Variants in MCM3AP observed in about 807,000 individuals in gnomAD.
The protein encoded by MCM3AP is minichromosome maintenance complex component 3 associated protein, also known as germinal-center associated nuclear protein.
MCM3AP carries 126 observed loss-of-function variants against 184.1 expected under a neutral mutation model. The observed-to-expected ratio is 0.68, with a 90% CI of 0.59 to 0.79. The LOEUF is 0.79. Among genes scored for constraint, MCM3AP ranks in the 30% least tolerant of loss-of-function variants. The pLI, the probability that MCM3AP is intolerant of heterozygous loss-of-function variation, is 0.00. For synonymous variants in MCM3AP, 1,002 were observed against 979.3 expected, an observed-to-expected ratio of 1.02 and a Z score of -0.43; for missense variants, 2,496 against 2,479.2, an observed-to-expected ratio of 1.01 and a Z score of -0.14.
In MCM3AP at chr21:46,284,340, G is replaced by A. The variant is rs141089827; in HGVS notation, c.947C>T (p.Ser316Phe). Reference sequence around the variant, plus strand: ...TTTGTCTGGAGGATGATCGCCCCGGGACAGAGGATCCGAATCTTCTGCTGG... The same window carrying A: ...TTTGTCTGGAGGATGATCGCCCCGGAACAGAGGATCCGAATCTTCTGCTGG... ...HEPAEDSDPL[S>F]RGDHPPDKRP... The change falls in exon 1 of 28, where the codon TCC becomes TTC. Residue 316 changes from serine (S) to phenylalanine (F), a missense_variant. Physicochemically the swap from Ser to Phe is radical, Grantham distance 155. Coordinates refer to ENST00000291688, the MANE Select transcript of MCM3AP (RefSeq NM_003906.5). 220 of 1,614,208 alleles carry A rather than the reference G, an allele frequency of 1.4e-4. 1 individual carries two copies. The African/African-American group carries it at 2.5e-3, about 18-fold the overall frequency.
chr21:46,258,066 A>C (rs201974887), intron 16 of MCM3AP, among the ~76,000 whole-genome samples: 1 of 152,148 alleles, frequency 6.6e-6, no homozygotes, highest in Admixed American at 6.5e-5. Context: ...CCTCCACCTC[A>C]TATCAGATGG....
chr21:46,272,861 A>T (rs2081199648), intron 7 of MCM3AP, 32 bp from the exon 8 acceptor site: 1 of 1,531,354 alleles, frequency 6.5e-7, no homozygotes, highest in Admixed American at 2.1e-5. Context: ...GATCACACAC[A>T]CATTCCCATG....
At chr21:46,266,639 G>C (rs1353382467) in intron 10 of MCM3AP, 1 of 301,874 alleles carries the variant, frequency 3.3e-6, no homozygotes, top group African/African-American at 2.2e-5. Flanking sequence ...GCCTGCGGGT[G>C]CCTCCATCCC....
intron 9 of MCM3AP, among the ~76,000 whole-genome samples, chr21:46,268,368 G>A (rs773952051): frequency 5.9e-5 from 9 of 152,210 alleles, no homozygotes; most frequent in Non-Finnish European, 8.8e-5. Context: ...GCCTGGCACC[G>A]TTTTTAATGC....
chr21:46,236,051 A>G (rs980298008), intron 27 of MCM3AP, among the ~76,000 whole-genome samples: 5 of 152,246 alleles, frequency 3.3e-5, no homozygotes, highest in African/African-American at 9.6e-5. Context: ...ACTTTCATAC[A>G]ATAATGCTAC....
In MCM3AP at chr21:46,285,543, G is replaced by C; in HGVS notation, c.-257C>G. 2.0e-6 allele frequency: 1 copy of C among 493,436 alleles called. No individual in the cohort carries two copies. Among genetic ancestry groups the C allele is most frequent in the South Asian group, 2.8e-5 (1 of 35,596 alleles). 30.6% of individuals were successfully genotyped at this position (493,436 alleles called of 1,614,324 possible). On this transcript the variant is annotated 5_prime_UTR_variant, in exon 1 of 28. Transcript: ENST00000291688. ...TGAGAGCCGATAGGTTATTTTGTTGGAGGGTGGGGTAGAGAGTGGTACAAA... is the reference window on the plus strand; with the variant it reads ...TGAGAGCCGATAGGTTATTTTGTTGCAGGGTGGGGTAGAGAGTGGTACAAA...
At chr21:46,248,994 T>G (rs1024581691) in intron 20 of MCM3AP, among the ~76,000 whole-genome samples, 1 of 148,692 alleles carries the variant, frequency 6.7e-6, no homozygotes, top group South Asian at 2.2e-4. Context: ...GAAATAGGAG[T>G]CTCTAGCCTG....
chr21:46,285,147 C>G lies in MCM3AP; in HGVS notation c.140G>C (p.Gly47Ala). 2 of 1,614,108 alleles carry G rather than the reference C, an allele frequency of 1.2e-6. No homozygotes were observed. The highest frequency in any genetic ancestry group is 2.2e-5 in the East Asian group (1 of 44,888). ...TACCTGTGAAAATCCCGAGCTCTTCCCAGATAAGGTACTGTTTTGTCCAAA... is the reference window on the plus strand; with the variant it reads ...TACCTGTGAAAATCCCGAGCTCTTCGCAGATAAGGTACTGTTTTGTCCAAA... ...SLFGQNSTLSGKSSGFSQVSS... is the reference protein window; with the variant it reads ...SLFGQNSTLSAKSSGFSQVSS... Residue 47 changes from glycine (G) to alanine (A), a missense_variant, in exon 1 of 28, where the codon GGG becomes GCG. Coordinates refer to ENST00000291688, the MANE Select transcript of MCM3AP (RefSeq NM_003906.5).
At chr21:46,272,132 C>T (rs1298750605) in intron 8 of MCM3AP, among the ~76,000 whole-genome samples, 1 of 152,024 alleles carries the variant, frequency 6.6e-6, no homozygotes, top group African/African-American at 2.4e-5. Context: ...CTCACTACCC[C>T]ATTCTTCGCA....
At chr21:46,251,430 C>T in intron 20 of MCM3AP, 99 bp downstream of exon 20, 1 of 997,684 alleles carries the variant, frequency 1.0e-6, no homozygotes, top group Non-Finnish European at 1.5e-6. Flanking sequence ...TTCAAAACCA[C>T]ATTAGGGAAT....
At position 46,246,802 on chromosome 21, in the gene MCM3AP, G is replaced by A; in HGVS notation, c.4375C>T (p.Leu1459=). The A allele has an allele frequency of 6.2e-7, 1 of 1,614,208 alleles. No individual in the cohort carries two copies. The highest frequency in any genetic ancestry group is 1.1e-5 in the South Asian group (1 of 91,086). Residue 1459 remains leucine (L), a synonymous_variant, in exon 21 of 28, where the codon CTG becomes TTG. Coordinates refer to ENST00000291688, the MANE Select transcript of MCM3AP (RefSeq NM_003906.5). ...TCACTCTTCATTTTGGGGGGAAGCA[G>A]CAGCATGAGCCCACTGGCTCCCAGG... ...DLLGASGLML[L]LPPKMKSEDM...
rs749910209 is a variant in MCM3AP, at chr21:46,243,631, C to T, written c.5130G>A (p.Val1710=). ...RQTQPVLQSQ[V]ENLLHRTYCR... ...AGTAGGTTCTGTGGAGCAGGTTCTC[C>T]ACCTGGGACTGGAGGACAGGCTGTG... The change falls in exon 24 of 28, where the codon GTG becomes GTA. Residue 1710 remains valine (V), a synonymous_variant. Transcript: ENST00000291688. The T allele has an allele frequency of 2.7e-5, 44 of 1,614,258 alleles. No homozygotes were observed. In the South Asian group the frequency reaches 4.8e-4, roughly 18 times the overall value.
chr21:46,259,912 A>G (rs1158333358), intron 15 of MCM3AP, among the ~76,000 whole-genome samples: 1 of 123,878 alleles, frequency 8.1e-6, no homozygotes, highest in Non-Finnish European at 2.0e-5. Context: ...TTCAAAAAAA[A>G]AAAAAAAAAA....
chr21:46,265,891 C>G (rs1340054732), intron 11 of MCM3AP, 34 bp downstream of exon 11: 11 of 1,515,078 alleles, frequency 7.3e-6, no homozygotes, highest in East Asian at 4.6e-5. Context: ...GAAAATGCAG[C>G]TAGTCCCCTC....
chr21:46,281,835 A>G (rs1363615932), intron 2 of MCM3AP, among the ~76,000 whole-genome samples: 1 of 152,070 alleles, frequency 6.6e-6, no homozygotes, highest in East Asian at 1.9e-4. Context: ...CCCCCTCTCC[A>G]CTAAAACTAC....
chr21:46,285,347 T>A lies in MCM3AP; in HGVS notation c.-61A>T. The stretch of plus-strand genomic sequence containing the variant: ...ATGTGTACAAAATTAATTGGCTTCC[T>A]GAAACAGCCTGTAGCACTAGGGAGT... On this transcript the variant is annotated 5_prime_UTR_variant, in exon 1 of 28. Coordinates refer to ENST00000291688, the MANE Select transcript of MCM3AP (RefSeq NM_003906.5). 8.8e-7 allele frequency: 1 copy of A among 1,140,172 alleles called. No homozygotes were observed. Among genetic ancestry groups the A allele is most frequent in the Non-Finnish European group, 1.3e-6 (1 of 771,340 alleles). 70.6% of individuals were successfully genotyped at this position (1,140,172 alleles called of 1,614,324 possible).
At chr21:46,282,855 T>C (rs1393861236) in intron 2 of MCM3AP, among the ~76,000 whole-genome samples, 2 of 152,010 alleles carry the variant, frequency 1.3e-5, no homozygotes, top group African/African-American at 4.8e-5. Context: ...ACATTTAAAG[T>C]CAGGATACAA....
rs748591478 is a variant in MCM3AP, at chr21:46,285,246, G to A, written c.41C>T (p.Ala14Val). The change falls in exon 1 of 28, where the codon GCT becomes GTT. Residue 14 changes from alanine (A) to valine (V), a missense_variant. Ala to Val is a moderately conservative substitution (Grantham distance 64). Transcript: ENST00000291688. ...TACATTACTAGAAGACGCCGAAAAA[G>A]CACTAGGCTGCTGCCCACTGAAAGG... ...TNPFSGQQPS[A>V]FSASSSNVGT... 6.2e-7 allele frequency: 1 copy of A among 1,614,118 alleles called. No homozygotes were observed. The highest frequency in any genetic ancestry group is 8.5e-7 in the Non-Finnish European group (1 of 1,179,972).
chr21:46,259,948 T>C (rs1299200252), intron 15 of MCM3AP, among the ~76,000 whole-genome samples: 1 of 148,896 alleles, frequency 6.7e-6, no homozygotes, highest in Non-Finnish European at 1.5e-5. Flanking sequence ...TGGCGGTGCA[T>C]GCCTGTAATT....
Sources: allele counts gnomAD v4.1 joint callset (sites outside exome capture counted in the v4.1 genomes callset), GRCh38; gene constraint gnomAD v4.1.1; transcripts MANE v1.5; gene names NCBI Gene and HGNC (gene_info 2026-07-23, HGNC 2026-07-21).